PHF24: variants seen among roughly 807,000 people sequenced by gnomAD.
PHF24 encodes the protein PHD finger protein 24, also known as Galpha inhibitory interacting protein.
PHF24 carries 25 observed loss-of-function variants against 42.6 expected under a neutral mutation model. The observed-to-expected ratio is 0.59, with a 90% CI of 0.43 to 0.82. PHF24 has a LOEUF of 0.82. PHF24 is among the 40% of genes least tolerant of loss of function. The pLI is 0.00. For synonymous variants in PHF24, 185 were observed against 204.8 expected, an observed-to-expected ratio of 0.90 and a Z score of 0.83; for missense variants, 470 against 538.1, an observed-to-expected ratio of 0.87 and a Z score of 1.25.
chr9:34,882,241 C>T, the PHF24 span, among the ~76,000 whole-genome samples: 3 of 152,052 alleles, frequency 2.0e-5, no homozygotes, highest in African/African-American at 7.2e-5. Flanking sequence ...TTATGACAAA[C>T]CCACAGCCAA....
At chr9:34,707,886 A>G in the PHF24 span, among the ~76,000 whole-genome samples, 2 of 151,886 alleles carry the variant, frequency 1.3e-5, no homozygotes, top group Admixed American at 1.3e-4. Context: ...CGCCCGCCAC[A>G]ATGCCCGGCT....
the PHF24 span, among the ~76,000 whole-genome samples, chr9:34,831,763 C>A: frequency 6.6e-6 from 1 of 152,178 alleles, no homozygotes; most frequent in Non-Finnish European, 1.5e-5. Flanking sequence ...CTACTGTCAT[C>A]TCATTCCAGG....
At chr9:34,709,403 T>A in the PHF24 span, 1 of 1,609,244 alleles carries the variant, frequency 6.2e-7, no homozygotes, top group African/African-American at 1.3e-5. Context: ...GCTATGGCCC[T>A]TTAGGGGTCT....
At chr9:34,832,712 T>C in the PHF24 span, 2 of 1,545,708 alleles carry the variant, frequency 1.3e-6, no homozygotes, top group Non-Finnish European at 1.7e-6. Flanking sequence ...GAGTATGGGC[T>C]GGCATCACCA....
the PHF24 span, among the ~76,000 whole-genome samples, chr9:34,810,730 C>A: frequency 6.6e-6 from 1 of 152,192 alleles, no homozygotes; most frequent in African/African-American, 2.4e-5. Context: ...TTCTGACCAC[C>A]GTGGCCCAGA....
chr9:34,849,059 G>GA, the PHF24 span, among the ~76,000 whole-genome samples: 1 of 152,172 alleles, frequency 6.6e-6, no homozygotes, highest in Non-Finnish European at 1.5e-5. Flanking sequence ...GTGTGATGCT[G>GA]AAAAAATTGT....
At chr9:34,978,874 C>T (rs1827298177) in exon 8 of PHF24, 1 of 152,186 alleles carries the variant, frequency 6.6e-6, no homozygotes, top group African/African-American at 2.4e-5. Flanking sequence ...GTCAGGTCAC[C>T]TGAGTCCAAA....
At chr9:34,682,674 T>C in the PHF24 span, among the ~76,000 whole-genome samples, 1 of 152,292 alleles carries the variant, frequency 6.6e-6, no homozygotes, top group South Asian at 2.1e-4. Flanking sequence ...GACTTTGCTT[T>C]CCATCATAGA....
At chr9:34,851,941 T>G in the PHF24 span, among the ~76,000 whole-genome samples, 4 of 152,244 alleles carry the variant, frequency 2.6e-5, no homozygotes, top group Admixed American at 1.3e-4. Flanking sequence ...ACTATGTACT[T>G]GCTTTTACAA....
At chr9:34,720,755 C>T in the PHF24 span, among the ~76,000 whole-genome samples, 1 of 152,204 alleles carries the variant, frequency 6.6e-6, no homozygotes, top group East Asian at 1.9e-4. Flanking sequence ...CTTGCGCAGT[C>T]TCCATGCATT....
the PHF24 span, among the ~76,000 whole-genome samples, chr9:34,809,049 A>T: frequency 0.57 from 64,937 of 113,050 alleles, 15,386 homozygotes; most frequent in Non-Finnish European, 0.66. The surrounding 1 kb of genome is among the most constrained non-coding windows in gnomAD (Gnocchi z 4.1). Flanking sequence ...AAAAAAAAAA[A>T]TAATAAATAA....
intron 4 of PHF24, 23 bp from the exon 5 acceptor site, chr9:34,976,512 C>G (rs753626471): frequency 6.2e-7 from 1 of 1,601,422 alleles, no homozygotes; most frequent in Non-Finnish European, 8.5e-7. Context: ...ATGGGCATGG[C>G]TAGCACGGGG....
the PHF24 span, among the ~76,000 whole-genome samples, chr9:34,903,123 C>A: frequency 6.6e-6 from 1 of 152,048 alleles, no homozygotes; most frequent in South Asian, 2.1e-4. Context: ...AAATAACTAG[C>A]CCATCACAGC....
the PHF24 span, among the ~76,000 whole-genome samples, chr9:34,763,377 G>A: frequency 6.6e-6 from 1 of 152,124 alleles, no homozygotes; most frequent in African/African-American, 2.4e-5. Context: ...ATTTCATTGA[G>A]CAGTGGTTGT....
At chr9:34,695,890 C>T in the PHF24 span, among the ~76,000 whole-genome samples, 1 of 151,892 alleles carries the variant, frequency 6.6e-6, no homozygotes, top group African/African-American at 2.4e-5. Flanking sequence ...CATAGATTCC[C>T]AAAATGGGAT....
chr9:34,684,791 C>CT, the PHF24 span, among the ~76,000 whole-genome samples: 9 of 152,240 alleles, frequency 5.9e-5, no homozygotes, highest in South Asian at 1.0e-3. Flanking sequence ...ATCAAAAGCC[C>CT]TAGGAGATCT....
At chr9:34,869,352 C>G in the PHF24 span, among the ~76,000 whole-genome samples, 1 of 152,168 alleles carries the variant, frequency 6.6e-6, no homozygotes, top group Admixed American at 6.5e-5. Context: ...AATGGTTGAA[C>G]TAATTTACAC....
chr9:34,749,991 T>C, the PHF24 span, among the ~76,000 whole-genome samples: 1 of 152,028 alleles, frequency 6.6e-6, no homozygotes, highest in East Asian at 1.9e-4. Context: ...AGCAAAAATA[T>C]CCTTCACACA....
rs771770431 is a variant in PHF24, at chr9:34,977,229, T to C, written c.996T>C (p.Pro332=). The stretch of plus-strand genomic sequence containing the variant: ...TTTGCAAACGGTTCCCAGAGGCTCC[T>C]TCCTGCAGTGTCAGGTCTGCTCCTT... Residue 332 remains proline (P), a synonymous_variant, in exon 6 of 8, where the codon CCT becomes CCC. Transcript: ENST00000242315. The C allele has an allele frequency of 3.7e-6, 6 of 1,609,378 alleles. No homozygotes were observed. In the African/African-American group the frequency reaches 8.0e-5, roughly 22 times the overall value.
Sources: gnomAD v4.1 joint callset for allele counts (sites outside exome capture counted in the v4.1 genomes callset) on GRCh38, gnomAD v4.1.1 for gene constraint, Gnocchi (gnomAD v3.1) non-coding constraint, MANE v1.5 for transcripts, NCBI Gene and HGNC (gene_info 2026-07-23, HGNC 2026-07-21) for gene names.